The following BRD3 variants were observed in gnomAD, a reference collection of about 807,000 sequenced individuals.
BRD3 encodes bromodomain-containing protein 3.
A neutral mutation model predicts 66.8 loss-of-function variants in BRD3; 17 were observed. The ratio of observed to expected loss-of-function variants is 0.25; its 90% CI spans 0.17 to 0.38. BRD3 has a LOEUF of 0.38. BRD3 is among the 10% of genes least tolerant of loss of function. The pLI, the probability that BRD3 is intolerant of heterozygous loss-of-function variation, is 1.00. For missense variants in BRD3, 713 were observed against 956.1 expected (o/e 0.75, Z 3.35); for synonymous variants, 421 against 393.2 (o/e 1.07, Z -0.84).
At chr9:134,061,254 C>T (rs554521515) in intron 1 of BRD3, among the ~76,000 whole-genome samples, 17 of 152,340 alleles carry the variant, frequency 1.1e-4, no homozygotes, top group East Asian at 7.7e-4. Context: ...CAAGGGGCAG[C>T]GGCTGGACCA....
At chr9:134,038,211 G>A (rs1235886332) in intron 9 of BRD3, among the ~76,000 whole-genome samples, 1 of 152,166 alleles carries the variant, frequency 6.6e-6, no homozygotes, top group Non-Finnish European at 1.5e-5. Context: ...CTGGAGTGCA[G>A]TGGTGTGATC....
chr9:134,061,017 G>C (rs1374225257), intron 1 of BRD3, among the ~76,000 whole-genome samples: 3 of 152,264 alleles, frequency 2.0e-5, no homozygotes, highest in Admixed American at 6.5e-5. Context: ...GACAAACAGG[G>C]AGGGAATGGG....
At chr9:134,067,532 G>C (rs1199514790) in intron 1 of BRD3, among the ~76,000 whole-genome samples, 3 of 148,216 alleles carry the variant, frequency 2.0e-5, no homozygotes, top group Non-Finnish European at 3.0e-5. Context: ...CCCTTCGAAA[G>C]ATGGCGGGCG....
rs1830145861 is a variant in BRD3, at chr9:134,045,389, T to C, written c.1119A>G (p.Ala373=). 1 of 1,613,638 alleles carries C rather than the reference T, an allele frequency of 6.2e-7. No individual in the cohort carries two copies. The highest frequency in any genetic ancestry group is 8.5e-7 in the Non-Finnish European group (1 of 1,179,996). ...GCCGGACATCAGCAGCAAAGCCCTG[T>C]GCGTCTGGGTACTCTCGGCCATCCA... ...RKMDGREYPD[A]QGFAADVRLM... is the part of the protein sequence containing the mutation. Residue 373 remains alanine, a synonymous_variant, in exon 7 of 12, where the codon GCA becomes GCG. Transcript: ENST00000303407. The surrounding 1 kb of genome is among the most constrained non-coding windows in gnomAD (Gnocchi z 4.8).
chr9:134,066,325 G>A (rs1249974231), intron 1 of BRD3, among the ~76,000 whole-genome samples: 1 of 152,184 alleles, frequency 6.6e-6, no homozygotes, highest in Non-Finnish European at 1.5e-5. Context: ...ACCCATCAAG[G>A]CCTCAACAGA....
chr9:134,064,029 A>G (rs1216641342), intron 1 of BRD3, among the ~76,000 whole-genome samples: 1 of 152,212 alleles, frequency 6.6e-6, no homozygotes, highest in Non-Finnish European at 1.5e-5. Flanking sequence ...AGGCCCTGTG[A>G]GGAGGCAGCC....
intron 4 of BRD3, among the ~76,000 whole-genome samples, chr9:134,050,882 T>C (rs1830279123): frequency 6.6e-6 from 1 of 152,138 alleles, no homozygotes; most frequent in Non-Finnish European, 1.5e-5. Flanking sequence ...AGGGCCACCC[T>C]GGAGTCATGG....
intron 6 of BRD3, among the ~76,000 whole-genome samples, chr9:134,046,459 C>T (rs533663097): frequency 7.2e-5 from 11 of 152,162 alleles, no homozygotes; most frequent in Non-Finnish European, 1.6e-4. Flanking sequence ...ATGGAGGGGC[C>T]GGGTCCTAAC....
rs1345204242 is a variant in BRD3 at position 134,041,655 on chromosome 9, G to A, written c.1407+105C>T. On this transcript the variant is annotated intron_variant, in intron 8 of 11. Transcript: ENST00000303407. ...GGGAAGCACTACCGCGGCTGCTGAGGGACAGGGGCAGAGGAAGGAACCATG... is the reference window on the plus strand; with the variant it reads ...GGGAAGCACTACCGCGGCTGCTGAGAGACAGGGGCAGAGGAAGGAACCATG... The A allele has an allele frequency of 3.6e-6, 5 of 1,373,328 alleles. No homozygotes were observed. The Admixed American group carries it at 1.2e-4, about 32-fold the overall frequency. 85.1% of individuals were successfully genotyped at this position (1,373,328 alleles called of 1,614,324 possible). A position where few individuals can be genotyped will look rare whatever the true frequency, so the allele number is the denominator to read the frequency against.
rs1332045926 is a variant in BRD3, at chr9:134,033,568, T to C, written c.*22A>G. 2 of 740,254 alleles carry C rather than the reference T, an allele frequency of 2.7e-6. No individual in the cohort carries two copies. Among genetic ancestry groups the C allele is most frequent in the East Asian group, 2.5e-5 (1 of 39,436 alleles). The allele number at this position is 740,254 out of a possible 1,614,324, so 45.9% of individuals were successfully genotyped here. A position where few individuals can be genotyped will look rare whatever the true frequency, so the allele number is the denominator to read the frequency against. ...TCTCGGCGTGTGCGACATCCATCTGTCCTGTTCTGTCCGAAGCCAGTTCAT... is the reference window on the plus strand; with the variant it reads ...TCTCGGCGTGTGCGACATCCATCTGCCCTGTTCTGTCCGAAGCCAGTTCAT... On this transcript the variant is annotated 3_prime_UTR_variant, in exon 12 of 12. Transcript: ENST00000303407. This position sits in a 1 kb window ranked among gnomAD's most constrained non-coding sequence, Gnocchi z 5.1.
At chr9:134,049,217 G>T (rs1215947750) in intron 5 of BRD3, among the ~76,000 whole-genome samples, 1 of 152,140 alleles carries the variant, frequency 6.6e-6, no homozygotes, top group Admixed American at 6.5e-5. Context: ...GGGTGTGCAG[G>T]TCTCTCTGGG....
At chr9:134,042,796 C>T (rs1051198258) in intron 7 of BRD3, among the ~76,000 whole-genome samples, 18 of 59,608 alleles carry the variant, frequency 3.0e-4, no homozygotes, top group South Asian at 8.4e-4. Context: ...CAAATATACA[C>T]ACACACACAC....
At chr9:134,048,938 G>A (rs369068862) in intron 5 of BRD3, among the ~76,000 whole-genome samples, 1 of 152,204 alleles carries the variant, frequency 6.6e-6, no homozygotes, top group Non-Finnish European at 1.5e-5. Flanking sequence ...AGTTTTGCGG[G>A]ACAAGAGGGA....
At chr9:134,056,199 T>C (rs992971458) in intron 1 of BRD3, among the ~76,000 whole-genome samples, 2 of 152,160 alleles carry the variant, frequency 1.3e-5, no homozygotes, top group African/African-American at 4.8e-5. Flanking sequence ...TGGTTAAAGC[T>C]CTGGGGCTGC....
chr9:134,047,144 C>G (rs1386931202), intron 6 of BRD3, among the ~76,000 whole-genome samples: 1 of 152,246 alleles, frequency 6.6e-6, no homozygotes, highest in Non-Finnish European at 1.5e-5. Flanking sequence ...CCAGCCAGGT[C>G]TGTCCTGCCC....
intron 9 of BRD3, 31 bp downstream of exon 9, chr9:134,040,003 C>T: frequency 6.4e-7 from 1 of 1,565,150 alleles, no homozygotes; most frequent in African/African-American, 1.4e-5. Context: ...GAGCGCTGGG[C>T]TCTTGGAGCC....
chr9:134,042,704 T>C (rs75489511), intron 7 of BRD3, among the ~76,000 whole-genome samples: 6 of 88,558 alleles, frequency 6.8e-5, no homozygotes, highest in East Asian at 1.1e-3. Context: ...TACACACACA[T>C]ATATATACAC....
chr9:134,067,562 T>A lies in BRD3; in HGVS notation c.-114+383A>T, dbSNP rs1361394468. Among the ~76,000 whole-genome samples the A allele has an allele frequency of 1.7e-4, 25 of 146,268 alleles. 1 individual carries two copies. In the East Asian group the frequency reaches 4.8e-3, roughly 28 times the overall value. ...CGGGCGGAGGAAAGGGGGAAAAAAATCCCTTCCGTGAGGGAGGGCGCGCGG... is the reference window on the plus strand; with the variant it reads ...CGGGCGGAGGAAAGGGGGAAAAAAAACCCTTCCGTGAGGGAGGGCGCGCGG... On this transcript the variant is annotated intron_variant, in intron 1 of 11. Coordinates refer to ENST00000303407, the MANE Select transcript of BRD3 (RefSeq NM_007371.4).
chr9:134,037,622 A>T (rs1353689158), intron 9 of BRD3, among the ~76,000 whole-genome samples: 1 of 152,202 alleles, frequency 6.6e-6, no homozygotes, highest in Non-Finnish European at 1.5e-5. Context: ...TCGGTAATCT[A>T]ATCTTCTACC....
Sources: gnomAD v4.1 joint callset for allele counts (sites outside exome capture counted in the v4.1 genomes callset) on GRCh38, gnomAD v4.1.1 for gene constraint, Gnocchi (gnomAD v3.1) non-coding constraint, MANE v1.5 for transcripts, NCBI Gene and HGNC (gene_info 2026-07-23, HGNC 2026-07-21) for gene names.